Variants in GPR158 observed in about 807,000 individuals in gnomAD.
GPR158 encodes the protein G protein-coupled receptor 158.
GPR158 carries 30 observed loss-of-function variants against 78.2 expected under a neutral mutation model. The observed-to-expected ratio is 0.38, with a 90% CI of 0.29 to 0.52. The LOEUF (loss-of-function observed/expected upper bound fraction) is 0.52, where lower values mean the gene tolerates loss of function less well. Ranked by LOEUF, GPR158 falls within the 20% of genes least tolerant of loss-of-function variation. GPR158 has a pLI of 0.83. For missense variants in GPR158, 1,463 were observed against 1,523.5 expected, an observed-to-expected ratio of 0.96 and a Z score of 0.66; for synonymous variants, 581 against 591.1, an observed-to-expected ratio of 0.98 and a Z score of 0.25.
intron 1 of GPR158, among the ~76,000 whole-genome samples, chr10:25,199,200 C>T (rs1852887463): frequency 6.6e-6 from 1 of 151,088 alleles, no homozygotes; most frequent in South Asian, 2.1e-4. Flanking sequence ...AATTGCATGC[C>T]ACAGGGGTTT....
At chr10:25,409,799 GAAAACAA>G (rs1834561197) in intron 3 of GPR158, among the ~76,000 whole-genome samples, 1 of 151,942 alleles carries the variant, frequency 6.6e-6, no homozygotes, top group African/African-American at 2.4e-5. Context: ...CTGTTTCAAA[GAAAACAA>G]AAAACAAAAT....
At chr10:25,581,981 C>T (rs778213019) in intron 7 of GPR158, among the ~76,000 whole-genome samples, 5 of 152,090 alleles carry the variant, frequency 3.3e-5, no homozygotes, top group South Asian at 2.1e-4. Context: ...TCTTAAATGG[C>T]GGCAGGCAAC....
Position 25,599,131 on chromosome 10 carries a change from G to A in GPR158, c.3505G>A (p.Ala1169Thr). Residue 1169 changes from alanine (A) to threonine (T), a missense_variant, in exon 11 of 11, where the codon GCA becomes ACA. By Grantham distance (58) the Ala-to-Thr change is moderately conservative. Transcript: ENST00000376351. ...CTTCCAGCAACCTTTAACATCACGA[G>A]CAGAGGTTTGTCCTTGGGAGTTTGA... ...NNFQQPLTSR[A>T]EVCPWEFETP... 1 of 1,611,320 alleles carries A rather than the reference G, an allele frequency of 6.2e-7. No homozygotes were observed. Among genetic ancestry groups the A allele is most frequent in the South Asian group, 1.1e-5 (1 of 91,082 alleles).
intron 2 of GPR158, among the ~76,000 whole-genome samples, chr10:25,318,380 T>A (rs2130474425): frequency 6.6e-6 from 1 of 152,198 alleles, no homozygotes; most frequent in East Asian, 1.9e-4. Context: ...TTCCGTGTAA[T>A]TACACTTTGA....
At chr10:25,220,798 G>A (rs1329493494) in intron 1 of GPR158, among the ~76,000 whole-genome samples, 1 of 152,122 alleles carries the variant, frequency 6.6e-6, no homozygotes, top group Non-Finnish European at 1.5e-5. Flanking sequence ...CATATTTATT[G>A]AGCACCTATT....
At chr10:25,596,144 T>A (rs1224079582) in intron 9 of GPR158, among the ~76,000 whole-genome samples, 1 of 152,162 alleles carries the variant, frequency 6.6e-6, no homozygotes, top group Non-Finnish European at 1.5e-5. Flanking sequence ...ATGACATTAT[T>A]TCTTAAACTC....
intron 2 of GPR158, among the ~76,000 whole-genome samples, chr10:25,346,457 T>C (rs1409881349): frequency 6.6e-6 from 1 of 151,864 alleles, no homozygotes; most frequent in African/African-American, 2.4e-5. Flanking sequence ...AATTCATAAT[T>C]TAAAAAATAT....
chr10:25,484,641 G>T (rs1472248962), intron 5 of GPR158, among the ~76,000 whole-genome samples: 1 of 152,184 alleles, frequency 6.6e-6, no homozygotes, highest in South Asian at 2.1e-4. Context: ...CATAGCTGGA[G>T]TGTTTTTGCT....
chr10:25,393,246 A>G (rs940615211), intron 2 of GPR158, among the ~76,000 whole-genome samples: 5 of 152,184 alleles, frequency 3.3e-5, no homozygotes, highest in South Asian at 2.1e-4. Context: ...AAAATTCTCA[A>G]CTGAGTCACT....
intron 4 of GPR158, among the ~76,000 whole-genome samples, chr10:25,455,913 C>A (rs943578217): frequency 3.6e-4 from 55 of 152,068 alleles, no homozygotes; most frequent in African/African-American, 1.3e-3. Flanking sequence ...ATGATACATT[C>A]AATGTGGACT....
Position 25,466,455 on chromosome 10 carries a change from C to T in GPR158, c.1336-196C>T, listed in dbSNP as rs188387453. On this transcript the variant is annotated intron_variant, in intron 4 of 10. Coordinates refer to ENST00000376351, the MANE Select transcript of GPR158 (RefSeq NM_020752.3). ...GCAGCCACTGGCGATATTATTAAGC[C>T]TATCAACACCTTTATAATCAGTCTT... is the stretch of plus-strand genomic sequence containing the variant. 7 of 463,040 alleles carry T rather than the reference C, an allele frequency of 1.5e-5. No individual in the cohort carries two copies. In the East Asian group the frequency reaches 1.9e-4, roughly 13 times the overall value. 28.7% of individuals were successfully genotyped at this position (463,040 alleles called of 1,614,324 possible).
At chr10:25,573,904 G>T (rs1328343201) in intron 7 of GPR158, among the ~76,000 whole-genome samples, 1 of 149,984 alleles carries the variant, frequency 6.7e-6, no homozygotes, top group Non-Finnish European at 1.5e-5. Flanking sequence ...TAAAGGGAAT[G>T]ATTATAATAT....
At chr10:25,185,350 G>A (rs776040971) in intron 1 of GPR158, among the ~76,000 whole-genome samples, 15 of 152,138 alleles carry the variant, frequency 9.9e-5, no homozygotes, top group Non-Finnish European at 2.1e-4. Context: ...CCTGACACAA[G>A]TGAGAACTGA....
At chr10:25,241,668 C>G (rs906153195) in intron 2 of GPR158, among the ~76,000 whole-genome samples, 3 of 152,250 alleles carry the variant, frequency 2.0e-5, no homozygotes, top group East Asian at 1.9e-4. Flanking sequence ...GTGATCCCCC[C>G]ACCTTGGCCT....
intron 2 of GPR158, among the ~76,000 whole-genome samples, chr10:25,379,857 A>G (rs945875717): frequency 6.7e-6 from 1 of 149,900 alleles, no homozygotes; most frequent in African/African-American, 2.5e-5. Flanking sequence ...TCGGTTTAAT[A>G]CAGAAATGCA....
chr10:25,498,575 A>G (rs1432257459), intron 5 of GPR158, among the ~76,000 whole-genome samples: 1 of 152,198 alleles, frequency 6.6e-6, no homozygotes, highest in African/African-American at 2.4e-5. Context: ...AATGTGTTGA[A>G]GGTAAAGCCA....
At chr10:25,289,704 G>A (rs1037610948) in intron 2 of GPR158, among the ~76,000 whole-genome samples, 1 of 152,114 alleles carries the variant, frequency 6.6e-6, no homozygotes, top group Non-Finnish European at 1.5e-5. Flanking sequence ...ACAGGTGTGA[G>A]CCACCGCGCC....
At chr10:25,310,260 G>T (rs1289528307) in intron 2 of GPR158, among the ~76,000 whole-genome samples, 1 of 152,132 alleles carries the variant, frequency 6.6e-6, no homozygotes, top group African/African-American at 2.4e-5. Context: ...CAATCTATAT[G>T]TTTGTCTTTG....
Position 25,175,978 on chromosome 10 carries a change from G to A in GPR158, c.558G>A (p.Pro186=). The change falls in exon 1 of 11, where the codon CCG becomes CCA. Residue 186 remains proline, a synonymous_variant. Transcript: ENST00000376351. The surrounding 1 kb of genome is among the most constrained non-coding windows in gnomAD (Gnocchi z 6.4). ...ITFSTDSLSA[P]APQVFLQATR... is the part of the protein sequence containing the mutation. ...TCAGCACCGATTCGCTGTCCGCACC[G>A]GCCCCACAGGTCTTCCTCCAGGCCA... is the stretch of plus-strand genomic sequence containing the variant. The A allele has an allele frequency of 1.2e-6, 2 of 1,613,290 alleles. No individual in the cohort carries two copies. The highest frequency in any genetic ancestry group is 1.7e-6 in the Non-Finnish European group (2 of 1,179,948).
Sources: gnomAD v4.1 joint callset for allele counts (sites outside exome capture counted in the v4.1 genomes callset) on GRCh38, gnomAD v4.1.1 for gene constraint, Gnocchi (gnomAD v3.1) non-coding constraint, MANE v1.5 for transcripts, NCBI Gene and HGNC (gene_info 2026-07-23, HGNC 2026-07-21) for gene names.